Variants in SYTL2 observed in about 807,000 individuals in gnomAD.
SYTL2 encodes synaptotagmin like 2.
Under a neutral mutation model 198.7 loss-of-function variants are expected in SYTL2, and 165 were observed. That is an observed-to-expected ratio of 0.83 (90% CI 0.73 to 0.94). The LOEUF (loss-of-function observed/expected upper bound fraction) is 0.94. SYTL2 is among the 40% of genes least tolerant of loss of function. The pLI is 0.00. For missense variants in SYTL2, 2,835 were observed against 2,582.8 expected, an observed-to-expected ratio of 1.10 and a Z score of -2.12; for synonymous variants, 966 against 917.7, an observed-to-expected ratio of 1.05 and a Z score of -0.95.
rs1335455658 is a variant in SYTL2 at position 85,724,123 on chromosome 11, T to C, written c.5235A>G (p.Gln1745=). ...ELTLASPYMK[Q]EKEEEKEGFS... The stretch of plus-strand genomic sequence containing the variant: ...AACCTTCTTTTTCTTCCTCTTTCTC[T>C]TGTTTCATATATGGCGATGCTAGAG... Residue 1745 remains glutamine, a synonymous_variant, in exon 8 of 20, where the codon CAA becomes CAG. Coordinates refer to ENST00000359152, the MANE Select transcript of SYTL2 (RefSeq NM_206927.4). The C allele has an allele frequency of 3.1e-6, 5 of 1,592,792 alleles. No homozygotes were observed. Among genetic ancestry groups the C allele is most frequent in the African/African-American group, 1.4e-5 (1 of 73,390 alleles).
Position 85,704,992 on chromosome 11 carries a change from A to G in SYTL2, c.6055T>C (p.Leu2019=), listed in dbSNP as rs1212257538. The change falls in exon 16 of 20, where the codon TTG becomes CTG. Residue 2019 remains leucine, a synonymous_variant. Transcript: ENST00000359152. Reference sequence around the variant, plus strand: ...TCCCGATGCCAAATGGACAGGTTCAATTTCTGTGTCTTTAAGATTTGTTTT... The same window carrying G: ...TCCCGATGCCAAATGGACAGGTTCAGTTTCTGTGTCTTTAAGATTTGTTTT... ...IEKQILKTQK[L]NLSIWHRDTF... is the part of the protein sequence containing the mutation. 1 of 1,613,114 alleles carries G rather than the reference A, an allele frequency of 6.2e-7. No individual in the cohort carries two copies. Among genetic ancestry groups the G allele is most frequent in the African/African-American group, 1.3e-5 (1 of 74,924 alleles).
At position 85,724,205 on chromosome 11, in the gene SYTL2, G is replaced by A. The variant is rs1380998901; in HGVS notation, c.5153C>T (p.Pro1718Leu). Reference protein sequence around the residue: ...EAISVSRNRQPIPLLMNKENS... With the variant: ...EAISVSRNRQLIPLLMNKENS... Reference sequence around the variant, plus strand: ...TTCTTTGTTCATCAGGAGAGGAATGGGTTGCCTATTTCTGGACACACTAAT... The same window carrying A: ...TTCTTTGTTCATCAGGAGAGGAATGAGTTGCCTATTTCTGGACACACTAAT... The change falls in exon 8 of 20, where the codon CCC (proline) becomes CTC (leucine). Residue 1718 changes from proline (P) to leucine (L), a missense_variant. Pro to Leu is a moderately conservative substitution (Grantham distance 98). Coordinates refer to ENST00000359152, the MANE Select transcript of SYTL2 (RefSeq NM_206927.4). 8 of 1,594,744 alleles carry A rather than the reference G, an allele frequency of 5.0e-6. No individual in the cohort carries two copies. In the East Asian group the frequency reaches 1.8e-4, roughly 36 times the overall value.
At chr11:85,774,112 T>C (rs1402205434) in intron 1 of SYTL2, among the ~76,000 whole-genome samples, 4 of 152,198 alleles carry the variant, frequency 2.6e-5, no homozygotes, top group African/African-American at 9.6e-5. Flanking sequence ...TGTTCACTAC[T>C]AATAACATTA....
chr11:85,740,498 T>A (rs1178270691), intron 4 of SYTL2, among the ~76,000 whole-genome samples: 1 of 152,208 alleles, frequency 6.6e-6, no homozygotes, highest in Non-Finnish European at 1.5e-5. Context: ...TATCATGTGG[T>A]CATATCTTCA....
intron 7 of SYTL2, among the ~76,000 whole-genome samples, chr11:85,728,606 A>C (rs541407043): frequency 6.6e-6 from 1 of 152,218 alleles, no homozygotes. Flanking sequence ...TTTAAATGTT[A>C]ATTTTCTCTT....
At position 85,790,141 on chromosome 11, in the gene SYTL2, C is replaced by A. The variant is rs945915830; in HGVS notation, c.-390+20813G>T. 2.6e-5 allele frequency among the ~76,000 whole-genome samples: 4 copies of A among 152,000 alleles called. No homozygotes were observed. The South Asian group carries it at 6.2e-4, about 24-fold the overall frequency. On this transcript the variant is annotated intron_variant, in intron 1 of 19. Transcript: ENST00000359152. ...ATTTTTAATACTTTTGTGCATAGAA[C>A]AAAGTTTGTGTACACTGAATCATCA...
At chr11:85,759,428 G>A (rs2092026688) in intron 1 of SYTL2, among the ~76,000 whole-genome samples, 1 of 152,160 alleles carries the variant, frequency 6.6e-6, no homozygotes, top group Admixed American at 6.5e-5. Flanking sequence ...CCACTGTGAA[G>A]CTGTTTTCTC....
At chr11:85,847,318 T>C in the SYTL2 span, among the ~76,000 whole-genome samples, 3 of 152,198 alleles carry the variant, frequency 2.0e-5, no homozygotes, top group African/African-American at 7.2e-5. Flanking sequence ...ACTTGGCTTC[T>C]TCACTTAGCT....
At position 85,727,177 on chromosome 11, in the gene SYTL2, A is replaced by G. The variant is rs1274670240; in HGVS notation, c.2181T>C (p.Asp727=). The G allele has an allele frequency of 6.5e-7, 1 of 1,536,386 alleles. No homozygotes were observed. Among genetic ancestry groups the G allele is most frequent in the African/African-American group, 1.4e-5 (1 of 73,024 alleles). ...STVVKEPGLK[D]NMNAERKSKV... ...TGCTCTTTCTCTCTGCATTCATGTT[A>G]TCTTTCAAACCTGGTTCTTTGACAA... Residue 727 remains aspartate, a synonymous_variant, in exon 8 of 20, where the codon GAT becomes GAC. Transcript: ENST00000359152.
rs559064284 is a variant in SYTL2, at chr11:85,771,831, A to C, written c.-389-13717T>G. ...TGCCTACCCTCTTTGCTGAATCACC[A>C]CAGGGAGCTGATGAGACCCTGCATG... On this transcript the variant is annotated intron_variant, in intron 1 of 19. Coordinates refer to ENST00000359152, the MANE Select transcript of SYTL2 (RefSeq NM_206927.4). Among the ~76,000 whole-genome samples the C allele has an allele frequency of 2.6e-5, 4 of 152,214 alleles. No homozygotes were observed. The East Asian group carries it at 7.7e-4, about 29-fold the overall frequency.
intron 1 of SYTL2, among the ~76,000 whole-genome samples, chr11:85,785,095 T>C (rs2092616405): frequency 6.6e-6 from 1 of 152,012 alleles, no homozygotes; most frequent in African/African-American, 2.4e-5. Flanking sequence ...CCAAGAGAAA[T>C]GCCACACCCA....
At chr11:85,817,590 T>C in the SYTL2 span, among the ~76,000 whole-genome samples, 1 of 152,224 alleles carries the variant, frequency 6.6e-6, no homozygotes, top group Non-Finnish European at 1.5e-5. Context: ...TGTAAAGGCC[T>C]GCTTGAAGCT....
At chr11:85,780,365 A>G (rs921591593) in intron 1 of SYTL2, among the ~76,000 whole-genome samples, 1 of 152,180 alleles carries the variant, frequency 6.6e-6, no homozygotes, top group African/African-American at 2.4e-5. Context: ...TGCTAAGGTG[A>G]TAACTGGTGG....
At chr11:85,851,226 A>G in the SYTL2 span, among the ~76,000 whole-genome samples, 1 of 152,202 alleles carries the variant, frequency 6.6e-6, no homozygotes, top group African/African-American at 2.4e-5. Flanking sequence ...TTTGCAAAAC[A>G]TCTATTTAAT....
intron 1 of SYTL2, among the ~76,000 whole-genome samples, chr11:85,763,012 A>T (rs1241403914): frequency 1.3e-5 from 2 of 152,196 alleles, no homozygotes; most frequent in Non-Finnish European, 2.9e-5. Context: ...CCTGAACATG[A>T]ACATAGCTCT....
chr11:85,779,470 GAAT>G (rs1278327717), intron 1 of SYTL2, among the ~76,000 whole-genome samples: 2 of 152,168 alleles, frequency 1.3e-5, no homozygotes, highest in Non-Finnish European at 2.9e-5. Flanking sequence ...CAGAGAAGCA[GAAT>G]AATTTCACCT....
chr11:85,708,227 C>A, intron 14 of SYTL2: 1 of 350,878 alleles, frequency 2.8e-6, no homozygotes, highest in Non-Finnish European at 5.5e-6. Context: ...TAGTTTGTTC[C>A]CCTCTGAGAA....
chr11:85,800,070 A>G (rs1475126977), intron 1 of SYTL2, among the ~76,000 whole-genome samples: 1 of 152,206 alleles, frequency 6.6e-6, no homozygotes, highest in Non-Finnish European at 1.5e-5. Flanking sequence ...CACTGCATCT[A>G]CAGGTAGTGA....
chr11:85,730,971 G>T (rs2089756318), intron 7 of SYTL2, among the ~76,000 whole-genome samples: 1 of 152,166 alleles, frequency 6.6e-6, no homozygotes, highest in Non-Finnish European at 1.5e-5. Flanking sequence ...AATCATGAGT[G>T]AACTCCCATT....
Sources: gnomAD v4.1 joint callset for allele counts (sites outside exome capture counted in the v4.1 genomes callset) on GRCh38, gnomAD v4.1.1 for gene constraint, MANE v1.5 for transcripts, NCBI Gene and HGNC (gene_info 2026-07-23, HGNC 2026-07-21) for gene names.